The following SYNE3 variants were observed in gnomAD, a reference collection of about 807,000 sequenced individuals.
SYNE3 encodes the protein spectrin repeat containing nuclear envelope family member 3.
In SYNE3, 100 loss-of-function variants were observed where a neutral mutation model predicts 111.2. The ratio of observed to expected loss-of-function variants is 0.90; its 90% confidence interval spans 0.77 to 1.06. The LOEUF (loss-of-function observed/expected upper bound fraction) is 1.06. SYNE3 is among the 50% of genes least tolerant of loss of function. The pLI is 0.00. For synonymous variants in SYNE3, 547 were observed against 533.9 expected (o/e 1.02, Z -0.34); for missense variants, 1,160 against 1,240.3 (o/e 0.94, Z 0.97).
chr14:95,420,750 A>G (rs542571676), intron 17 of SYNE3, among the ~76,000 whole-genome samples: 1 of 152,248 alleles, frequency 6.6e-6, no homozygotes, highest in Non-Finnish European at 1.5e-5. Flanking sequence ...ACAGACACAC[A>G]CATACACACA....
intron 17 of SYNE3, among the ~76,000 whole-genome samples, chr14:95,429,120 G>A (rs1885599684): frequency 2.6e-5 from 4 of 152,290 alleles, no homozygotes; most frequent in Admixed American, 6.5e-5. Context: ...GAAGAATCAC[G>A]CACACACCAA....
intron 4 of SYNE3, among the ~76,000 whole-genome samples, chr14:95,460,374 T>G (rs11620904): frequency 8.2e-5 from 12 of 145,822 alleles, no homozygotes; most frequent in South Asian, 4.4e-4. Flanking sequence ...CTAGTTTTTT[T>G]TTTTTTTTTT....
At chr14:95,427,823 G>A (rs1487242980) in intron 17 of SYNE3, among the ~76,000 whole-genome samples, 1 of 152,054 alleles carries the variant, frequency 6.6e-6, no homozygotes, top group African/African-American at 2.4e-5. Context: ...TCTTTGTCTT[G>A]TGTCTTTATT....
At chr14:95,491,423 T>C (rs1026263142) in intron 1 of SYNE3, among the ~76,000 whole-genome samples, 1 of 152,156 alleles carries the variant, frequency 6.6e-6, no homozygotes, top group African/African-American at 2.4e-5. Context: ...AATCAACCCT[T>C]GTATTTACAG....
intron 1 of SYNE3, among the ~76,000 whole-genome samples, chr14:95,491,161 A>G (rs1889832036): frequency 6.6e-6 from 1 of 152,186 alleles, no homozygotes; most frequent in East Asian, 1.9e-4. Flanking sequence ...GCCTCACGGG[A>G]TGACAGGACA....
chr14:95,450,442 A>C (rs924279072), intron 7 of SYNE3: 1 of 244,388 alleles, frequency 4.1e-6, no homozygotes, highest in East Asian at 9.4e-5. Flanking sequence ...TGGGAGGCCA[A>C]AGCAGGAGGA....
chr14:95,408,845 C>T lies in SYNE3; in HGVS notation c.*8981G>A, dbSNP rs945300171. On this transcript the variant is annotated 3_prime_UTR_variant, in exon 18 of 18. Coordinates refer to ENST00000682763, the MANE Select transcript of SYNE3 (RefSeq NM_152592.6). The stretch of plus-strand genomic sequence containing the variant: ...GGAACTGCTCAGCAGGCAGAGACCG[C>T]GCAAAGCCAACTCTGTCCTCTGCCT... 4.7e-5 allele frequency: 15 copies of T among 322,010 alleles called. No homozygotes were observed. The highest frequency in any genetic ancestry group is 2.4e-4 in the East Asian group (3 of 12,308). The allele number at this position is 322,010 out of a possible 1,614,324, so 19.9% of individuals were successfully genotyped here.
chr14:95,461,772 G>A lies in SYNE3; in HGVS notation c.627+4159C>T, dbSNP rs3742349. Among the ~76,000 whole-genome samples the A allele has an allele frequency of 2.8e-4, 42 of 152,356 alleles. No homozygotes were observed. The East Asian group carries it at 5.4e-3, about 20-fold the overall frequency. ...GACAGAACCATCGCTGGAGTCAGAC[G>A]ACTGCCCCAAGAGAGACCTTTTATG... is the stretch of plus-strand genomic sequence containing the variant. On this transcript the variant is annotated intron_variant, in intron 4 of 17. Coordinates refer to ENST00000682763, the MANE Select transcript of SYNE3 (RefSeq NM_152592.6).
intron 6 of SYNE3, 56 bp downstream of exon 6, chr14:95,455,321 A>G (rs1410062358): frequency 4.3e-6 from 6 of 1,387,560 alleles, no homozygotes; most frequent in Non-Finnish European, 9.6e-7. Context: ...TCTGAGTGCC[A>G]GGACCCTGGG....
chr14:95,475,359 AG>A (rs1228298044), intron 2 of SYNE3, among the ~76,000 whole-genome samples: 2 of 149,702 alleles, frequency 1.3e-5, no homozygotes, highest in African/African-American at 4.8e-5. Flanking sequence ...GGGACCCACC[AG>A]GCTGCACGGG....
chr14:95,494,207 C>T (rs1260349232), intron 1 of SYNE3, among the ~76,000 whole-genome samples: 1 of 152,108 alleles, frequency 6.6e-6, no homozygotes, highest in African/African-American at 2.4e-5. Flanking sequence ...CCACTAGGGC[C>T]TATAGGTTTC....
intron 1 of SYNE3, among the ~76,000 whole-genome samples, chr14:95,502,701 A>G (rs756577488): frequency 1.3e-5 from 2 of 151,878 alleles, no homozygotes; most frequent in African/African-American, 2.4e-5. Flanking sequence ...TCAGGAACTC[A>G]CCTCTGGCAT....
At chr14:95,513,479 C>T (rs1331910694) in intron 1 of SYNE3, among the ~76,000 whole-genome samples, 5 of 152,020 alleles carry the variant, frequency 3.3e-5, no homozygotes, top group African/African-American at 9.7e-5. Context: ...CGCACCATGC[C>T]GGGCATTCTG....
At chr14:95,447,135 C>CTTTT (rs11412651) in intron 8 of SYNE3, among the ~76,000 whole-genome samples, 1 of 134,576 alleles carries the variant, frequency 7.4e-6, no homozygotes, top group Non-Finnish European at 1.6e-5. Context: ...AGTGGTCATT[C>CTTTT]TTTTTTTTTT....
chr14:95,503,845 C>A (rs899866990), intron 1 of SYNE3, among the ~76,000 whole-genome samples: 1 of 151,962 alleles, frequency 6.6e-6, no homozygotes. Flanking sequence ...GTCTCAAATT[C>A]CTGGGCTCAA....
chr14:95,515,991 A>C (rs1890909733), intron 1 of SYNE3: 1 of 152,322 alleles, frequency 6.6e-6, no homozygotes, highest in African/African-American at 2.4e-5. Flanking sequence ...CAGGCCCTGC[A>C]AGCCATCTCT....
Position 95,467,894 on chromosome 14 carries a change from G to A in SYNE3, c.218C>T (p.Ala73Val). The change falls in exon 3 of 18, where the codon GCA (alanine) becomes GTA (valine). Residue 73 changes from alanine to valine, a missense_variant. By Grantham distance (64) the Ala-to-Val change is moderately conservative. Coordinates refer to ENST00000682763, the MANE Select transcript of SYNE3 (RefSeq NM_152592.6). ...LVLRMAEALL[A>V]CCPGDQKPGI... Reference sequence around the variant, plus strand: ...GGGCTTCTGGTCCCCAGGGCAGCATGCCAAGAGGGCTTCAGCCATCCGTAG... The same window carrying A: ...GGGCTTCTGGTCCCCAGGGCAGCATACCAAGAGGGCTTCAGCCATCCGTAG... 2 of 1,614,232 alleles carry A rather than the reference G, an allele frequency of 1.2e-6. No homozygotes were observed. Among genetic ancestry groups the A allele is most frequent in the Non-Finnish European group, 1.7e-6 (2 of 1,180,038 alleles).
chr14:95,467,926 G>C lies in SYNE3; in HGVS notation c.186C>G (p.Asp62Glu), dbSNP rs771212605. The change falls in exon 3 of 18, where the codon GAC becomes GAG. Residue 62 changes from aspartate to glutamate, a missense_variant. Transcript: ENST00000682763. ...GGGCTTCAGCCATCCGTAGCACGAG[G>C]TCCACCCTCACACGCCCCTCGGGCT... Reference protein sequence around the residue: ...QLEPEGRVRVDLVLRMAEALL... With the variant: ...QLEPEGRVRVELVLRMAEALL... The C allele has an allele frequency of 7.4e-6, 12 of 1,613,904 alleles. No homozygotes were observed. Among genetic ancestry groups the C allele is most frequent in the Non-Finnish European group, 1.0e-5 (12 of 1,179,934 alleles).
In SYNE3 at chr14:95,470,474, A is replaced by AT. The variant is rs780595079; in HGVS notation, c.145-2508dup. Among the ~76,000 whole-genome samples the AT allele has an allele frequency of 2.6e-4, 39 of 147,982 alleles. No individual in the cohort carries two copies. Among genetic ancestry groups the AT allele is most frequent in the South Asian group, 6.4e-4 (3 of 4,684 alleles). On this transcript the variant is annotated intron_variant, in intron 2 of 17. Coordinates refer to ENST00000682763, the MANE Select transcript of SYNE3 (RefSeq NM_152592.6). This position sits in a 1 kb window ranked among gnomAD's most constrained non-coding sequence, Gnocchi z 4.2. ...AGTGAGGCCCCATCTCTCCAAAAGC[A>AT]TTTTTTTTAATTAAAAAAAAAAAAA...
Sources: gnomAD v4.1 joint callset for allele counts (sites outside exome capture counted in the v4.1 genomes callset) on GRCh38, gnomAD v4.1.1 for gene constraint, Gnocchi (gnomAD v3.1) non-coding constraint, MANE v1.5 for transcripts, NCBI Gene and HGNC (gene_info 2026-07-23, HGNC 2026-07-21) for gene names.